The following RNF215 variants were observed in gnomAD, a reference collection of about 807,000 sequenced individuals.
The protein encoded by RNF215 is ring finger protein 215.
In RNF215, 41 loss-of-function variants were observed where a neutral mutation model predicts 44.8. That is an observed-to-expected ratio of 0.92 (90% CI 0.71 to 1.19). The LOEUF is 1.19. Ranked by LOEUF, RNF215 falls within the 50% of genes most tolerant of loss-of-function variation. The pLI is 0.00. For missense variants in RNF215, 452 were observed against 496.2 expected, an observed-to-expected ratio of 0.91 and a Z score of 0.85; for synonymous variants, 218 against 230.1, an observed-to-expected ratio of 0.95 and a Z score of 0.48.
chr22:30,386,466 T>C, intron 2 of RNF215, 150 bp downstream of exon 2: 1 of 952,212 alleles, frequency 1.1e-6, no homozygotes, highest in Non-Finnish European at 1.6e-6. Flanking sequence ...GAAGCCATAC[T>C]GACTCCATTC....
At position 30,385,979 on chromosome 22, in the gene RNF215, G is replaced by A. The variant is rs1310986633; in HGVS notation, c.512C>T (p.Ser171Phe). 2 of 1,614,142 alleles carry A rather than the reference G, an allele frequency of 1.2e-6. No homozygotes were observed. The highest frequency in any genetic ancestry group is 1.6e-4 in the Middle Eastern group (1 of 6,062). ...NHNVVRELDI[S>F]QLLLRPVIVL... Reference sequence around the variant, plus strand: ...GATCACTGGCCTGAGCAGAAGCTGGGATATGTCCAGCTGCAGGGAGACAAG... The same window carrying A: ...GATCACTGGCCTGAGCAGAAGCTGGAATATGTCCAGCTGCAGGGAGACAAG... Residue 171 changes from serine (S) to phenylalanine (F), a missense_variant, in exon 4 of 9, where the codon TCC becomes TTC. By Grantham distance (155) the Ser-to-Phe change is radical. Transcript: ENST00000382363.
rs1312823414 is a variant in RNF215 at position 30,378,854 on chromosome 22, T to C, written c.*746A>G. ...AAATATAGCCACGTTTATTTTACTA[T>C]TAAACCTTCCCTACTCCAACTCTTT... is the stretch of plus-strand genomic sequence containing the variant. On this transcript the variant is annotated 3_prime_UTR_variant, in exon 9 of 9. Coordinates refer to ENST00000382363, the MANE Select transcript of RNF215 (RefSeq NM_001017981.2). 6.9e-6 allele frequency: 1 copy of C among 145,298 alleles called. No individual in the cohort carries two copies. Among genetic ancestry groups the C allele is most frequent in the Non-Finnish European group, 1.5e-5 (1 of 67,044 alleles). The allele number at this position is 145,298 out of a possible 1,614,324, so 9.0% of individuals were successfully genotyped here. A position where few individuals can be genotyped will look rare whatever the true frequency, so the allele number is the denominator to read the frequency against.
chr22:30,386,007 G>T lies in RNF215; in HGVS notation c.502-18C>A. ...ATGTCCAGCTGCAGGGAGACAAGGA[G>T]GTCAGCAGGCCTGGGTCCCCCTTTC... On this transcript the variant is annotated intron_variant, in intron 3 of 8. Coordinates refer to ENST00000382363, the MANE Select transcript of RNF215 (RefSeq NM_001017981.2). 1 of 1,614,062 alleles carries T rather than the reference G, an allele frequency of 6.2e-7. No homozygotes were observed. The highest frequency in any genetic ancestry group is 8.5e-7 in the Non-Finnish European group (1 of 1,179,938).
chr22:30,384,057 C>T (rs575039247), intron 5 of RNF215, among the ~76,000 whole-genome samples: 18 of 152,160 alleles, frequency 1.2e-4, no homozygotes, highest in African/African-American at 3.1e-4. Flanking sequence ...GGGAAAGCCA[C>T]GCAGAGGGGT....
chr22:30,386,832 A>C, intron 1 of RNF215, 73 bp from the exon 2 acceptor site: 1 of 1,540,242 alleles, frequency 6.5e-7, no homozygotes. Flanking sequence ...ATCACAGTGG[A>C]TGCCAAGGCC....
At position 30,385,800 on chromosome 22, in the gene RNF215, A is replaced by C. The variant is rs1933589744; in HGVS notation, c.587+104T>G. On this transcript the variant is annotated intron_variant, in intron 4 of 8. Transcript: ENST00000382363. ...TACTCCATCTCAAAAAAAAAAAAAA[A>C]GGCTAACAGGTAAGGCCCTGGTCCC... The C allele has an allele frequency of 1.6e-5, 15 of 935,032 alleles. No homozygotes were observed. The South Asian group carries it at 2.2e-4, about 13-fold the overall frequency. The allele number at this position is 935,032 out of a possible 1,614,324, so 57.9% of individuals were successfully genotyped here. A position where few individuals can be genotyped will look rare whatever the true frequency, so the allele number is the denominator to read the frequency against.
chr22:30,385,153 G>A (rs1278175692), intron 4 of RNF215, among the ~76,000 whole-genome samples: 2 of 152,136 alleles, frequency 1.3e-5, no homozygotes, highest in South Asian at 2.1e-4. Flanking sequence ...TGGGTACGGT[G>A]GCTCACACCT....
rs41282469 is a variant in RNF215 at position 30,384,514 on chromosome 22, G to A, written c.588-19C>T. 31,030 of 1,608,828 alleles carry A rather than the reference G, an allele frequency of 0.019. 368 individuals are homozygous for A. Among genetic ancestry groups the A allele is most frequent in the Non-Finnish European group, 0.022 (25,944 of 1,176,536 alleles). ...GGTCCTCCTGGGAGGGGAAGTCACC[G>A]GGGCCAGATGGAAGGACTCTTGGGA... On this transcript the variant is annotated intron_variant, in intron 4 of 8. Coordinates refer to ENST00000382363, the MANE Select transcript of RNF215 (RefSeq NM_001017981.2).
chr22:30,380,014 G>T lies in RNF215; in HGVS notation c.1008+48C>A, dbSNP rs772436296. On this transcript the variant is annotated intron_variant, in intron 7 of 8. Transcript: ENST00000382363. The surrounding 1 kb of genome is among the most constrained non-coding windows in gnomAD (Gnocchi z 5.3). ...TTCCAAGGTCCCAGGAGTAAGGTGG[G>T]AGGCATCACAGGTGAGCTGATGGCT... is the stretch of plus-strand genomic sequence containing the variant. 1 of 1,607,788 alleles carries T rather than the reference G, an allele frequency of 6.2e-7. No individual in the cohort carries two copies. Among genetic ancestry groups the T allele is most frequent in the East Asian group, 2.2e-5 (1 of 44,672 alleles).
chr22:30,386,618 G>A lies in RNF215; in HGVS notation c.427C>T (p.Gln143Ter). ...PQAYPKALVQ[Q>*]MRRALFLGAS... The stretch of plus-strand genomic sequence containing the variant: ...TCCCCCATAGACATCCCCTGCACCT[G>A]CTGGACCAGGGCCTTGGGATAGGCC... The change falls in exon 2 of 9, where the codon CAG becomes TAG. Residue 143 changes from glutamine to a stop codon, truncating the protein, a stop_gained and splice_region_variant. Coordinates refer to ENST00000382363, the MANE Select transcript of RNF215 (RefSeq NM_001017981.2). LOFTEE classifies it high-confidence loss of function. The A allele has an allele frequency of 6.2e-7, 1 of 1,612,042 alleles. No homozygotes were observed. Among genetic ancestry groups the A allele is most frequent in the Non-Finnish European group, 8.5e-7 (1 of 1,179,346 alleles).
At chr22:30,383,707 A>G (rs1470494202) in intron 5 of RNF215, among the ~76,000 whole-genome samples, 1 of 152,222 alleles carries the variant, frequency 6.6e-6, no homozygotes, top group Non-Finnish European at 1.5e-5. Context: ...CCTGGCTGTC[A>G]GGAGACAAAG....
Position 30,380,295 on chromosome 22 carries a change from T to C in RNF215, c.851A>G (p.Glu284Gly). Residue 284 changes from glutamate to glycine, a missense_variant, in exon 6 of 9, where the codon GAG becomes GGG. Physicochemically the swap from Glu to Gly is moderately conservative, Grantham distance 98. Transcript: ENST00000382363. This position sits in a 1 kb window ranked among gnomAD's most constrained non-coding sequence, Gnocchi z 5.3. Reference sequence around the variant, plus strand: ...GCTGGCTCCCACCTGGCCTCCGAGCTCCCGCTGGCTCTGCCGCGACGCCTG... The same window carrying C: ...GCTGGCTCCCACCTGGCCTCCGAGCCCCCGCTGGCTCTGCCGCGACGCCTG... ...QRQASRQSQR[E>G]LGGQVDLFKR... 6.2e-7 allele frequency: 1 copy of C among 1,610,470 alleles called. No individual in the cohort carries two copies. Among genetic ancestry groups the C allele is most frequent in the South Asian group, 1.1e-5 (1 of 90,894 alleles).
chr22:30,386,197 C>T, intron 2 of RNF215, 56 bp from the exon 3 acceptor site: 1 of 1,488,170 alleles, frequency 6.7e-7, no homozygotes, highest in Non-Finnish European at 9.2e-7. Context: ...ACACCTGTCT[C>T]ACCACCTGCA....
chr22:30,384,900 C>A (rs28523826), intron 4 of RNF215: 51,400 of 161,494 alleles, frequency 0.32, 8,450 homozygotes, highest in South Asian at 0.39. Flanking sequence ...CAGCCTCTAC[C>A]CCCGGGGCTC....
intron 2 of RNF215, 84 bp downstream of exon 2, chr22:30,386,532 G>T (rs1046459768): frequency 2.0e-6 from 3 of 1,500,210 alleles, no homozygotes; most frequent in Non-Finnish European, 2.7e-6. Flanking sequence ...AAGCTCTTAA[G>T]GGCCCATCTA....
chr22:30,378,976 C>T lies in RNF215; in HGVS notation c.*624G>A, dbSNP rs1268169200. The T allele has an allele frequency of 6.6e-6, 1 of 152,046 alleles. No individual in the cohort carries two copies. The highest frequency in any genetic ancestry group is 2.4e-5 in the African/African-American group (1 of 41,268). 9.4% of individuals were successfully genotyped at this position (152,046 alleles called of 1,614,324 possible). A position where few individuals can be genotyped will look rare whatever the true frequency, so the allele number is the denominator to read the frequency against. On this transcript the variant is annotated 3_prime_UTR_variant, in exon 9 of 9. Coordinates refer to ENST00000382363, the MANE Select transcript of RNF215 (RefSeq NM_001017981.2). The stretch of plus-strand genomic sequence containing the variant: ...CCCGGTCAGCAACACAAAGCCGCAG[C>T]CAAGGATTCCAGAACAGGACGGTTT...
chr22:30,385,465 C>T (rs1933584662), intron 4 of RNF215, among the ~76,000 whole-genome samples: 2 of 149,560 alleles, frequency 1.3e-5, no homozygotes, highest in African/African-American at 4.9e-5. Context: ...CCGGGCCCTG[C>T]CAGGCCCAGC....
chr22:30,379,951 G>C, intron 7 of RNF215, 111 bp downstream of exon 7: 1 of 1,554,960 alleles, frequency 6.4e-7, no homozygotes, highest in South Asian at 1.2e-5. Context: ...CTGCTCTGTG[G>C]CCCTGGGGGC....
At position 30,387,190 on chromosome 22, in the gene RNF215, C is replaced by T. The variant is rs1933614888; in HGVS notation, c.124G>A (p.Ala42Thr). Reference sequence around the variant, plus strand: ...GCCGCCGGCTCGCTGCCGTCCGCCGCGGCCCCGGGCCCCGCCAGGCCCAGC... The same window carrying T: ...GCCGCCGGCTCGCTGCCGTCCGCCGTGGCCCCGGGCCCCGCCAGGCCCAGC... Reference protein sequence around the residue: ...LWLGLAGPGAAADGSEPAAGA... With the variant: ...LWLGLAGPGATADGSEPAAGA... The change falls in exon 1 of 9, where the codon GCG becomes ACG. Residue 42 changes from alanine to threonine, a missense_variant. By Grantham distance (58) the Ala-to-Thr change is moderately conservative. Coordinates refer to ENST00000382363, the MANE Select transcript of RNF215 (RefSeq NM_001017981.2). 2 of 1,047,424 alleles carry T rather than the reference C, an allele frequency of 1.9e-6. No homozygotes were observed. The highest frequency in any genetic ancestry group is 4.4e-5 in the South Asian group (1 of 22,690). The allele number at this position is 1,047,424 out of a possible 1,614,324, so 64.9% of individuals were successfully genotyped here.
Sources: allele counts gnomAD v4.1 joint callset (sites outside exome capture counted in the v4.1 genomes callset), GRCh38; gene constraint gnomAD v4.1.1; non-coding constraint Gnocchi (gnomAD v3.1); transcripts MANE v1.5; gene names NCBI Gene and HGNC (gene_info 2026-07-23, HGNC 2026-07-21).